The following ULK4 variants were observed in gnomAD, a reference collection of about 807,000 sequenced individuals.
ULK4 encodes the protein unc-51 like kinase 4, also known as inactive serine/threonine-protein kinase ULK4.
ULK4 carries 133 observed loss-of-function variants against 160.6 expected under a neutral mutation model. The observed-to-expected ratio is 0.83, with a 90% CI of 0.72 to 0.96. The LOEUF is 0.96. Among genes scored for constraint, ULK4 ranks in the 40% least tolerant of loss-of-function variants. ULK4 has a pLI of 0.00. For missense variants in ULK4, 1,580 were observed against 1,499.5 expected (o/e 1.05, Z -0.89); for synonymous variants, 534 against 539.8 (o/e 0.99, Z 0.15).
At chr3:41,312,255 G>GT (rs1333542499) in intron 35 of ULK4, among the ~76,000 whole-genome samples, 1 of 152,120 alleles carries the variant, frequency 6.6e-6, no homozygotes, top group African/African-American at 2.4e-5. Context: ...GATTACAGAT[G>GT]TGAGCCACCA....
chr3:41,936,798 G>T (rs531898441), intron 3 of ULK4, among the ~76,000 whole-genome samples: 1 of 152,040 alleles, frequency 6.6e-6, no homozygotes, highest in Non-Finnish European at 1.5e-5. Context: ...GGGGGAGTGG[G>T]GATGGTTAAT....
chr3:41,524,924 A>G (rs763192738), intron 32 of ULK4, among the ~76,000 whole-genome samples: 7 of 152,124 alleles, frequency 4.6e-5, no homozygotes, highest in Non-Finnish European at 8.8e-5. Context: ...GCGATAGAGC[A>G]AGACTCTGTC....
chr3:41,382,401 C>G (rs2081677350), intron 35 of ULK4, among the ~76,000 whole-genome samples: 1 of 152,124 alleles, frequency 6.6e-6, no homozygotes. Flanking sequence ...ATTAGAATGA[C>G]TTCATAATAT....
At chr3:41,643,162 G>C (rs1390624464) in intron 30 of ULK4, among the ~76,000 whole-genome samples, 1 of 152,164 alleles carries the variant, frequency 6.6e-6, no homozygotes, top group Non-Finnish European at 1.5e-5. Flanking sequence ...TCTGACGGTA[G>C]TTTCTTTTGC....
intron 32 of ULK4, among the ~76,000 whole-genome samples, chr3:41,563,360 A>G (rs2087670837): frequency 6.6e-6 from 1 of 152,122 alleles, no homozygotes; most frequent in Non-Finnish European, 1.5e-5. Flanking sequence ...CTCAAGGAGT[A>G]TCTTTGTGGT....
At chr3:41,960,947 C>T (rs889542180) in intron 1 of ULK4, among the ~76,000 whole-genome samples, 5 of 152,156 alleles carry the variant, frequency 3.3e-5, no homozygotes, top group Non-Finnish European at 7.3e-5. Flanking sequence ...AATCACCACC[C>T]CTCCTGATCC....
At chr3:41,906,204 G>A (rs1324919982) in intron 12 of ULK4, among the ~76,000 whole-genome samples, 32 of 93,572 alleles carry the variant, frequency 3.4e-4, no homozygotes, top group African/African-American at 9.4e-4. Flanking sequence ...GCGACAGAGC[G>A]AGACTCCGTC....
intron 35 of ULK4, among the ~76,000 whole-genome samples, chr3:41,305,659 G>A (rs1455648816): frequency 2.6e-5 from 4 of 151,824 alleles, no homozygotes; most frequent in African/African-American, 4.9e-5. Context: ...GGGAAGTGAG[G>A]AGCGTCTCTG....
chr3:41,496,388 ACT>A (rs1483176625), intron 32 of ULK4, among the ~76,000 whole-genome samples: 26 of 151,902 alleles, frequency 1.7e-4, no homozygotes, highest in African/African-American at 5.6e-4. Context: ...GCAATATAAG[ACT>A]CTGACTCCTG....
intron 35 of ULK4, among the ~76,000 whole-genome samples, chr3:41,250,002 A>G (rs1451278343): frequency 1.3e-5 from 2 of 152,238 alleles, no homozygotes; most frequent in African/African-American, 4.8e-5. Context: ...TCACGTGGAT[A>G]GAAGGATGCC....
chr3:41,523,330 A>AT (rs1210284299), intron 32 of ULK4, among the ~76,000 whole-genome samples: 1 of 152,202 alleles, frequency 6.6e-6, no homozygotes, highest in Non-Finnish European at 1.5e-5. Context: ...GTCACTACTA[A>AT]TAAGATCAGA....
chr3:41,635,291 G>A (rs930722544), intron 30 of ULK4, among the ~76,000 whole-genome samples: 1 of 151,940 alleles, frequency 6.6e-6, no homozygotes, highest in African/African-American at 2.4e-5. Context: ...AAAACCTTAA[G>A]ATGGATTATG....
chr3:41,660,575 T>G (rs572306377), intron 30 of ULK4, among the ~76,000 whole-genome samples: 1 of 152,242 alleles, frequency 6.6e-6, no homozygotes, highest in Non-Finnish European at 1.5e-5. Flanking sequence ...TACTTTTTCC[T>G]TCTTCATCCC....
rs936327912 is a variant in ULK4 at position 41,896,929 on chromosome 3, T to A, written c.1423A>T (p.Thr475Ser). ...LQQVCSQIDSTEKSMGASRAK... is the reference protein window; with the variant it reads ...LQQVCSQIDSSEKSMGASRAK... ...CGGGAGGCCCCCATGCTCTTCTCAGTGGAGTCGATCTGCGAGCACACTTGT... is the reference window on the plus strand; with the variant it reads ...CGGGAGGCCCCCATGCTCTTCTCAGAGGAGTCGATCTGCGAGCACACTTGT... The change falls in exon 15 of 37, where the codon ACT (threonine) becomes TCT (serine). Residue 475 changes from threonine (T) to serine (S), a missense_variant. Thr to Ser is a moderately conservative substitution (Grantham distance 58). Coordinates refer to ENST00000301831, the MANE Select transcript of ULK4 (RefSeq NM_017886.4). 1 of 1,613,412 alleles carries A rather than the reference T, an allele frequency of 6.2e-7. No individual in the cohort carries two copies. Among genetic ancestry groups the A allele is most frequent in the Non-Finnish European group, 8.5e-7 (1 of 1,179,896 alleles).
chr3:41,532,672 A>T (rs563671589), intron 32 of ULK4, among the ~76,000 whole-genome samples: 2 of 152,306 alleles, frequency 1.3e-5, no homozygotes, highest in East Asian at 3.9e-4. Context: ...ATTCATTTAT[A>T]TATTGTCTAC....
intron 17 of ULK4, among the ~76,000 whole-genome samples, chr3:41,852,539 T>C (rs2042241320): frequency 6.6e-6 from 1 of 152,092 alleles, no homozygotes; most frequent in Non-Finnish European, 1.5e-5. Flanking sequence ...ATAAAATGCA[T>C]ACTTAAATTT....
At chr3:41,275,931 G>C (rs950107512) in intron 35 of ULK4, among the ~76,000 whole-genome samples, 2 of 152,198 alleles carry the variant, frequency 1.3e-5, no homozygotes, top group Admixed American at 1.3e-4. Flanking sequence ...ATTAAAGAAG[G>C]AATATCAACA....
intron 34 of ULK4, among the ~76,000 whole-genome samples, chr3:41,422,511 T>C (rs1292714108): frequency 6.6e-6 from 1 of 152,176 alleles, no homozygotes; most frequent in Non-Finnish European, 1.5e-5. Flanking sequence ...ATTTATACTT[T>C]TCTGTAAAAT....
chr3:41,248,952 A>G (rs2078694501), intron 36 of ULK4, among the ~76,000 whole-genome samples: 4 of 152,228 alleles, frequency 2.6e-5, no homozygotes, highest in Admixed American at 2.6e-4. Flanking sequence ...CCATGCTGTC[A>G]GCTTCCGGGT....
Sources: allele counts gnomAD v4.1 joint callset (sites outside exome capture counted in the v4.1 genomes callset), GRCh38; gene constraint gnomAD v4.1.1; transcripts MANE v1.5; gene names NCBI Gene and HGNC (gene_info 2026-07-23, HGNC 2026-07-21).